MRPS27: variants seen among roughly 807,000 people sequenced by gnomAD.
The protein encoded by MRPS27 is small ribosomal subunit protein mS27.
MRPS27 carries 43 observed loss-of-function variants against 48.9 expected under a neutral mutation model. The ratio of observed to expected loss-of-function variants is 0.88; its 90% CI spans 0.69 to 1.13. MRPS27 has a LOEUF of 1.13. Among genes scored for constraint, MRPS27 ranks in the 50% most tolerant of loss-of-function variants. MRPS27 has a pLI of 0.00. For missense variants in MRPS27, 467 were observed against 476.3 expected, an observed-to-expected ratio of 0.98 and a Z score of 0.18; for synonymous variants, 188 against 171.9, an observed-to-expected ratio of 1.09 and a Z score of -0.73.
rs546659890 is a variant in MRPS27 at position 72,310,029 on chromosome 5, A to G, written c.151+4052T>C. ...GTCTCTAGTGGGAGCCAGGGCTGTC[A>G]GTATGGAAGACGGGAGATACAAATA... On this transcript the variant is annotated intron_variant, in intron 2 of 10. Coordinates refer to ENST00000261413, the MANE Select transcript of MRPS27 (RefSeq NM_015084.3). Among the ~76,000 whole-genome samples, 7 of 152,360 alleles carry G rather than the reference A, an allele frequency of 4.6e-5. No individual in the cohort carries two copies. In the South Asian group the frequency reaches 1.4e-3, roughly 32 times the overall value.
At chr5:72,284,611 A>T (rs1280702890) in intron 4 of MRPS27, among the ~76,000 whole-genome samples, 2 of 152,314 alleles carry the variant, frequency 1.3e-5, no homozygotes, top group South Asian at 2.1e-4. Context: ...ATGAGAAGTC[A>T]TCCAGGTTTC....
intron 4 of MRPS27, among the ~76,000 whole-genome samples, chr5:72,243,570 T>A (rs1236238003): frequency 6.6e-6 from 1 of 152,188 alleles, no homozygotes; most frequent in Non-Finnish European, 1.5e-5. Flanking sequence ...GGATCTCAGA[T>A]TCTTACTCAA....
intron 1 of MRPS27, 132 bp downstream of exon 1, chr5:72,320,017 C>T: frequency 1.2e-6 from 1 of 851,298 alleles, no homozygotes; most frequent in Non-Finnish European, 1.9e-6. Context: ...CCTTCTTCTG[C>T]ACTACCAAAC....
intron 4 of MRPS27, among the ~76,000 whole-genome samples, chr5:72,248,491 T>C (rs926454307): frequency 3.9e-5 from 6 of 152,024 alleles, no homozygotes; most frequent in African/African-American, 1.4e-4. Flanking sequence ...AAACATCTTT[T>C]ACTGCCTGAG....
At chr5:72,291,318 G>A (rs1320999752) in intron 4 of MRPS27, among the ~76,000 whole-genome samples, 2 of 152,134 alleles carry the variant, frequency 1.3e-5, no homozygotes, top group Non-Finnish European at 2.9e-5. Flanking sequence ...TCTCACAGCA[G>A]GGTTCCTAAC....
intron 10 of MRPS27, among the ~76,000 whole-genome samples, chr5:72,222,061 T>G (rs1747758933): frequency 6.6e-6 from 1 of 151,962 alleles, no homozygotes; most frequent in South Asian, 2.1e-4. Flanking sequence ...CTTAACAGGG[T>G]TGGGGGTGGG....
chr5:72,281,772 T>C (rs539284865), intron 4 of MRPS27, among the ~76,000 whole-genome samples: 46 of 152,354 alleles, frequency 3.0e-4, no homozygotes, highest in African/African-American at 1.1e-3. Context: ...TACTAATCTA[T>C]ACGTATGAGA....
chr5:72,266,096 G>A (rs1402828902), intron 4 of MRPS27, among the ~76,000 whole-genome samples: 1 of 152,124 alleles, frequency 6.6e-6, no homozygotes, highest in Non-Finnish European at 1.5e-5. Context: ...GAAACAATAG[G>A]TCTTGGTGGA....
At chr5:72,302,382 C>T (rs1488513195) in intron 2 of MRPS27, among the ~76,000 whole-genome samples, 6 of 152,148 alleles carry the variant, frequency 3.9e-5, no homozygotes, top group Admixed American at 3.9e-4. Flanking sequence ...GCACGAGAGA[C>T]TTAAACAATA....
chr5:72,281,933 C>T (rs2112035104), intron 4 of MRPS27, among the ~76,000 whole-genome samples: 1 of 152,280 alleles, frequency 6.6e-6, no homozygotes, highest in South Asian at 2.1e-4. Flanking sequence ...AATGAATACA[C>T]TGTTCATGTG....
intron 4 of MRPS27, among the ~76,000 whole-genome samples, chr5:72,266,073 G>A (rs1749101042): frequency 6.6e-6 from 1 of 152,052 alleles, no homozygotes; most frequent in Admixed American, 6.5e-5. Context: ...GAAGATATAA[G>A]AAAGTGGAAG....
Position 72,273,147 on chromosome 5 carries a change from T to C in MRPS27, c.281+22384A>G, listed in dbSNP as rs16877007. 8.7e-3 allele frequency among the ~76,000 whole-genome samples: 1,326 copies of C among 152,238 alleles called. 28 individuals are homozygous for C. The highest frequency in any genetic ancestry group is 0.029 in the African/African-American group (1,205 of 41,538). Reference sequence around the variant, plus strand: ...TCATCCCTGGAAGCTACCCTGTTCTTACATGATCACACCTCTCAGTGGATT... The same window carrying C: ...TCATCCCTGGAAGCTACCCTGTTCTCACATGATCACACCTCTCAGTGGATT... On this transcript the variant is annotated intron_variant, in intron 4 of 10. Transcript: ENST00000261413.
At chr5:72,242,703 C>T (rs921811844) in intron 4 of MRPS27, among the ~76,000 whole-genome samples, 2 of 148,590 alleles carry the variant, frequency 1.3e-5, no homozygotes, top group Non-Finnish European at 3.0e-5. Flanking sequence ...CACACACACA[C>T]ACACTCACGG....
intron 4 of MRPS27, among the ~76,000 whole-genome samples, chr5:72,273,008 A>C (rs116548221): frequency 6.6e-6 from 1 of 152,196 alleles, no homozygotes; most frequent in African/African-American, 2.4e-5. Context: ...AAAACTGTGT[A>C]TCTTGTGATA....
chr5:72,252,063 T>C (rs745816234), intron 4 of MRPS27, among the ~76,000 whole-genome samples: 13 of 152,058 alleles, frequency 8.5e-5, no homozygotes, highest in African/African-American at 2.2e-4. Context: ...ACAACAAATA[T>C]ACAATAGTTT....
Position 72,223,851 on chromosome 5 carries a change from C to T in MRPS27, c.838-1G>A. ...TCAGCACTGCACCCAGCACATCGAGCTGTGGAGCAGAAAGAGGGTCAGCAA... is the reference window on the plus strand; with the variant it reads ...TCAGCACTGCACCCAGCACATCGAGTTGTGGAGCAGAAAGAGGGTCAGCAA... On this transcript the variant is annotated splice_acceptor_variant, in intron 9 of 10. Transcript: ENST00000261413. LOFTEE classifies it high-confidence loss of function. 1 of 1,613,074 alleles carries T rather than the reference C, an allele frequency of 6.2e-7. No homozygotes were observed. The highest frequency in any genetic ancestry group is 8.5e-7 in the Non-Finnish European group (1 of 1,179,322).
At chr5:72,255,192 G>A (rs920507466) in intron 4 of MRPS27, among the ~76,000 whole-genome samples, 4 of 151,116 alleles carry the variant, frequency 2.6e-5, no homozygotes, top group African/African-American at 7.3e-5. Flanking sequence ...CTGGGATTAC[G>A]GGCATGTGCC....
At chr5:72,277,975 T>C (rs758959811) in intron 4 of MRPS27, among the ~76,000 whole-genome samples, 3 of 152,132 alleles carry the variant, frequency 2.0e-5, no homozygotes, top group Non-Finnish European at 4.4e-5. Flanking sequence ...AAAAAATAGC[T>C]AATGCGTGCT....
chr5:72,293,014 T>C (rs1749872206), intron 4 of MRPS27, among the ~76,000 whole-genome samples: 1 of 152,220 alleles, frequency 6.6e-6, no homozygotes, highest in Non-Finnish European at 1.5e-5. Context: ...AAGGCCTAAC[T>C]GGTAGAAATA....
Sources: gnomAD v4.1 joint callset for allele counts (sites outside exome capture counted in the v4.1 genomes callset) on GRCh38, gnomAD v4.1.1 for gene constraint, MANE v1.5 for transcripts, NCBI Gene and HGNC (gene_info 2026-07-23, HGNC 2026-07-21) for gene names.